SGCD: variants seen among roughly 807,000 people sequenced by gnomAD.
SGCD encodes sarcoglycan delta.
SGCD carries 18 observed loss-of-function variants against 36.6 expected under a neutral mutation model. The observed-to-expected ratio is 0.49, with a 90% CI of 0.34 to 0.73. The LOEUF (loss-of-function observed/expected upper bound fraction) is 0.73. Ranked by LOEUF, SGCD falls within the 30% of genes least tolerant of loss-of-function variation. The probability of loss-of-function intolerance (pLI) is 0.01; values close to 1 mark genes in which losing one functional copy is unlikely to be tolerated. For missense variants in SGCD, 387 were observed against 346.7 expected (o/e 1.12, Z -0.92); for synonymous variants, 133 against 130.6 (o/e 1.02, Z -0.12).
intron 3 of SGCD, among the ~76,000 whole-genome samples, chr5:156,226,349 C>T (rs1764858442): frequency 1.3e-5 from 2 of 152,068 alleles, no homozygotes; most frequent in Non-Finnish European, 2.9e-5. Context: ...GTTATTTTAC[C>T]TACAATAAGA....
the SGCD span, chr5:155,845,291 C>G: frequency 6.6e-6 from 1 of 152,098 alleles, no homozygotes; most frequent in African/African-American, 2.4e-5. Flanking sequence ...TTCCAGGTAC[C>G]TGCTGCCTTC....
chr5:155,827,845 ATTTTT>A, the SGCD span, among the ~76,000 whole-genome samples: 5 of 124,934 alleles, frequency 4.0e-5, no homozygotes, highest in African/African-American at 1.2e-4. Context: ...CACCTGGCTA[ATTTTT>A]TTTTTTTTTT....
the SGCD span, among the ~76,000 whole-genome samples, chr5:155,739,432 T>C: frequency 6.6e-6 from 1 of 152,196 alleles, no homozygotes; most frequent in Non-Finnish European, 1.5e-5. Flanking sequence ...GGAGGGCTGT[T>C]GATTCCTAAG....
intron 3 of SGCD, among the ~76,000 whole-genome samples, chr5:156,240,041 A>G (rs1765270227): frequency 6.6e-6 from 1 of 152,194 alleles, no homozygotes; most frequent in Non-Finnish European, 1.5e-5. Context: ...GGGGAACTTG[A>G]CAGGCTCACT....
rs1426000547 is a variant in SGCD, at chr5:155,893,780, T to G, written c.-282+23356T>G. On this transcript the variant is annotated intron_variant, in intron 1 of 9. Coordinates refer to the SGCD transcript ENST00000517913. ...CTACGAGAAATGTGCTCTTAGATAATTTCGTTGTTGTGCTAACATAATAGA... is the reference window on the plus strand; with the variant it reads ...CTACGAGAAATGTGCTCTTAGATAAGTTCGTTGTTGTGCTAACATAATAGA... 2.6e-5 allele frequency among the ~76,000 whole-genome samples: 4 copies of G among 152,234 alleles called. 1 individual carries two copies. Among genetic ancestry groups the G allele is most frequent in the Admixed American group, 2.6e-4 (4 of 15,286 alleles).
At chr5:156,190,166 T>C (rs995877053) in intron 3 of SGCD, among the ~76,000 whole-genome samples, 3 of 152,184 alleles carry the variant, frequency 2.0e-5, no homozygotes, top group Non-Finnish European at 4.4e-5. Flanking sequence ...TGGGAAGTTT[T>C]TTCTTATAAT....
At chr5:156,303,835 T>C (rs1262715097) in intron 3 of SGCD, among the ~76,000 whole-genome samples, 1 of 151,582 alleles carries the variant, frequency 6.6e-6, no homozygotes, top group Non-Finnish European at 1.5e-5. Flanking sequence ...AGTATCTAAG[T>C]TGCAAGGCAA....
At chr5:156,043,647 A>T (rs1348491281) in intron 1 of SGCD, among the ~76,000 whole-genome samples, 1 of 152,182 alleles carries the variant, frequency 6.6e-6, no homozygotes, top group Non-Finnish European at 1.5e-5. Flanking sequence ...TTCAGTTCTC[A>T]TTATTTCAGC....
At chr5:156,172,134 A>G (rs936534303) in intron 3 of SGCD, among the ~76,000 whole-genome samples, 1 of 152,052 alleles carries the variant, frequency 6.6e-6, no homozygotes, top group African/African-American at 2.4e-5. Flanking sequence ...AATACAAAAA[A>G]CTAGCTGGGC....
rs1031494372 is a variant in SGCD at position 156,188,973 on chromosome 5, T to C, written c.-44+64954T>C. 2.0e-5 allele frequency among the ~76,000 whole-genome samples: 3 copies of C among 152,174 alleles called. No individual in the cohort carries two copies. In the East Asian group the frequency reaches 5.8e-4, roughly 29 times the overall value. ...CCTGTTGTAGAGTGGGTAATCACTC[T>C]GTGGTTTTCCCAGTGTACACATTAC... On this transcript the variant is annotated intron_variant, in intron 3 of 9. Coordinates refer to the SGCD transcript ENST00000517913.
chr5:156,503,351 G>C (rs527750577), intron 3 of SGCD, among the ~76,000 whole-genome samples: 1 of 152,276 alleles, frequency 6.6e-6, no homozygotes, highest in South Asian at 2.1e-4. Context: ...CTGGGGGTGG[G>C]TGAATGTTGT....
the SGCD span, among the ~76,000 whole-genome samples, chr5:155,765,306 A>C: frequency 6.6e-6 from 1 of 150,900 alleles, no homozygotes; most frequent in African/African-American, 2.4e-5. Context: ...GAAAGAAAGA[A>C]AAAGGAAGGA....
chr5:156,614,006 G>A (rs1359536678), intron 6 of SGCD, among the ~76,000 whole-genome samples: 1 of 152,116 alleles, frequency 6.6e-6, no homozygotes, highest in South Asian at 2.1e-4. Context: ...GGGTACACTA[G>A]TGCGATCTCA....
At chr5:156,656,354 C>A (rs1479914314) in intron 7 of SGCD, among the ~76,000 whole-genome samples, 2 of 151,902 alleles carry the variant, frequency 1.3e-5, no homozygotes, top group Non-Finnish European at 2.9e-5. Flanking sequence ...ATGAACCAAG[C>A]CAGAGAATAA....
the SGCD span, among the ~76,000 whole-genome samples, chr5:155,860,690 C>T: frequency 1.3e-5 from 2 of 152,196 alleles, no homozygotes; most frequent in African/African-American, 4.8e-5. Flanking sequence ...GAGATGCGTG[C>T]TTCGTGGGAA....
intron 3 of SGCD, among the ~76,000 whole-genome samples, chr5:156,320,215 T>G (rs1767622409): frequency 6.6e-6 from 1 of 151,696 alleles, no homozygotes; most frequent in Non-Finnish European, 1.5e-5. Flanking sequence ...AAGTTTACCA[T>G]TAGCTTGGAA....
chr5:156,632,125 T>G (rs1312729760), intron 6 of SGCD, among the ~76,000 whole-genome samples: 1 of 152,168 alleles, frequency 6.6e-6, no homozygotes, highest in Non-Finnish European at 1.5e-5. Context: ...CAGCAGACAT[T>G]ATCTCAGAAG....
chr5:155,941,104 G>A (rs1757316079), intron 1 of SGCD, among the ~76,000 whole-genome samples: 1 of 152,042 alleles, frequency 6.6e-6, no homozygotes, highest in Non-Finnish European at 1.5e-5. Flanking sequence ...GAAGGCAGAA[G>A]GGCAAAAGAG....
intron 1 of SGCD, among the ~76,000 whole-genome samples, chr5:155,941,265 T>G (rs1165779167): frequency 6.6e-6 from 1 of 152,210 alleles, no homozygotes; most frequent in African/African-American, 2.4e-5. Context: ...ATGCCTGATC[T>G]CCCACACTGT....
Sources: allele counts gnomAD v4.1 joint callset (sites outside exome capture counted in the v4.1 genomes callset), GRCh38; gene constraint gnomAD v4.1.1; transcripts MANE v1.5; gene names NCBI Gene and HGNC (gene_info 2026-07-23, HGNC 2026-07-21).